C10orf67: variants seen among roughly 807,000 people sequenced by gnomAD.
The protein encoded by C10orf67 is chromosome 10 open reading frame 67.
In C10orf67, 60 loss-of-function variants were observed where a neutral mutation model predicts 35.6. That is an observed-to-expected ratio of 1.68 (90% CI 1.37 to 2.09). The LOEUF (loss-of-function observed/expected upper bound fraction) is 2.09, where lower values mean the gene tolerates loss of function less well. Among genes scored for constraint, C10orf67 ranks in the 30% most tolerant of loss-of-function variants. The pLI, the probability that C10orf67 is intolerant of heterozygous loss-of-function variation, is 0.00. For synonymous variants in C10orf67, 167 were observed against 115.8 expected (o/e 1.44, Z -2.84); for missense variants, 474 against 330.2 (o/e 1.44, Z -3.38).
intron 7 of C10orf67, among the ~76,000 whole-genome samples, chr10:23,287,380 A>G (rs769181710): frequency 1.3e-5 from 2 of 152,220 alleles, no homozygotes; most frequent in African/African-American, 2.4e-5. Context: ...TGGGGAAAGG[A>G]TCTCCTATCC....
chr10:23,230,744 A>AAC (rs111724532), intron 13 of C10orf67, among the ~76,000 whole-genome samples: 59,928 of 151,814 alleles, frequency 0.39, 15,026 homozygotes, highest in East Asian at 0.74. Flanking sequence ...AAAAATTATA[A>AAC]ACACACACAT....
intron 13 of C10orf67, among the ~76,000 whole-genome samples, chr10:23,230,563 G>A (rs1841881148): frequency 6.6e-6 from 1 of 151,870 alleles, no homozygotes; most frequent in African/African-American, 2.4e-5. Flanking sequence ...ACATATAACT[G>A]GTAAAGGATT....
chr10:23,270,269 C>T (rs551264484), intron 8 of C10orf67, among the ~76,000 whole-genome samples: 1 of 152,240 alleles, frequency 6.6e-6, no homozygotes, highest in South Asian at 2.1e-4. Flanking sequence ...CCAGAAGTGG[C>T]ACAGAGCCAA....
At chr10:23,215,794 A>G (rs1277600136) in intron 15 of C10orf67, among the ~76,000 whole-genome samples, 1 of 152,258 alleles carries the variant, frequency 6.6e-6, no homozygotes, top group Non-Finnish European at 1.5e-5. Context: ...GGTATAATTT[A>G]ACATGAGAAA....
intron 13 of C10orf67, among the ~76,000 whole-genome samples, chr10:23,225,364 AG>A (rs1262097302): frequency 2.6e-5 from 4 of 152,220 alleles, no homozygotes; most frequent in Admixed American, 2.0e-4. Flanking sequence ...GAGCTCCTGA[AG>A]GAAGTGCTAA....
At chr10:23,263,151 G>T (rs1233914702) in intron 10 of C10orf67, among the ~76,000 whole-genome samples, 1 of 152,188 alleles carries the variant, frequency 6.6e-6, no homozygotes, top group Non-Finnish European at 1.5e-5. Context: ...AAACTGCTCT[G>T]CAGCTCTCTT....
intron 1 of C10orf67, among the ~76,000 whole-genome samples, chr10:23,336,745 C>T (rs1845697790): frequency 6.6e-6 from 1 of 152,104 alleles, no homozygotes; most frequent in African/African-American, 2.4e-5. Flanking sequence ...AACTCCTGGC[C>T]TCAGTGATCC....
chr10:23,253,701 T>A (rs1842524153), intron 10 of C10orf67, among the ~76,000 whole-genome samples: 1 of 152,130 alleles, frequency 6.6e-6, no homozygotes, highest in South Asian at 2.1e-4. Flanking sequence ...ACAGTAAAAA[T>A]TAGTTTCAAT....
At chr10:23,225,204 G>T (rs1234549096) in intron 13 of C10orf67, among the ~76,000 whole-genome samples, 1 of 152,086 alleles carries the variant, frequency 6.6e-6, no homozygotes, top group African/African-American at 2.4e-5. Context: ...AAGAGAGTAG[G>T]GGCCAATATT....
intron 13 of C10orf67, among the ~76,000 whole-genome samples, chr10:23,236,055 T>C (rs1184183275): frequency 2.0e-5 from 3 of 151,956 alleles, no homozygotes; most frequent in Non-Finnish European, 4.4e-5. Flanking sequence ...GAGACCATCC[T>C]GGCTAACACA....
intron 5 of C10orf67, among the ~76,000 whole-genome samples, chr10:23,291,534 T>G (rs1843719200): frequency 6.6e-6 from 1 of 152,204 alleles, no homozygotes; most frequent in African/African-American, 2.4e-5. Flanking sequence ...TTGTGTGCCC[T>G]CATCATTCAG....
chr10:23,232,817 T>C (rs895844126), intron 13 of C10orf67, among the ~76,000 whole-genome samples: 1 of 152,122 alleles, frequency 6.6e-6, no homozygotes, highest in African/African-American at 2.4e-5. Flanking sequence ...ATAGTGTTTC[T>C]GAAAAAGAAA....
At chr10:23,269,418 A>C (rs1399927484) in intron 8 of C10orf67, among the ~76,000 whole-genome samples, 1 of 152,218 alleles carries the variant, frequency 6.6e-6, no homozygotes, top group Non-Finnish European at 1.5e-5. Context: ...GTAATAGATA[A>C]TTTGCAATGG....
chr10:23,316,984 C>G (rs1844741149), intron 4 of C10orf67: 1 of 152,348 alleles, frequency 6.6e-6, no homozygotes, highest in African/African-American at 2.4e-5. Context: ...TTCAGGCCAC[C>G]CCTGGGTTGA....
At chr10:23,299,895 G>A (rs191993047) in intron 5 of C10orf67, among the ~76,000 whole-genome samples, 2,281 of 151,850 alleles carry the variant, frequency 0.015, 51 homozygotes, top group African/African-American at 0.052. Context: ...GGAGAATGGC[G>A]CGAACCCAGG....
chr10:23,344,481 G>T, intron 1 of C10orf67, 88 bp downstream of exon 1: 1 of 1,246,190 alleles, frequency 8.0e-7, no homozygotes, highest in Non-Finnish European at 1.1e-6. Flanking sequence ...GAGGAAAGCT[G>T]CACCCCCGTA....
At chr10:23,275,584 C>T (rs575541352) in intron 8 of C10orf67, among the ~76,000 whole-genome samples, 1 of 145,606 alleles carries the variant, frequency 6.9e-6, no homozygotes, top group Non-Finnish European at 1.5e-5. Flanking sequence ...CCCCTACACA[C>T]ACATACACAC....
chr10:23,246,401 A>G (rs1038243201), intron 12 of C10orf67, among the ~76,000 whole-genome samples: 2 of 152,234 alleles, frequency 1.3e-5, no homozygotes, highest in African/African-American at 4.8e-5. Context: ...TAAAATTTTT[A>G]AAAAGTCAAT....
intron 15 of C10orf67, among the ~76,000 whole-genome samples, chr10:23,221,367 G>A (rs1841575622): frequency 6.6e-6 from 1 of 152,108 alleles, no homozygotes; most frequent in Admixed American, 6.6e-5. Flanking sequence ...TTCTCCAAAT[G>A]GACGTGAGAT....
Sources: allele counts gnomAD v4.1 joint callset (sites outside exome capture counted in the v4.1 genomes callset), GRCh38; gene constraint gnomAD v4.1.1; transcripts MANE v1.5; gene names NCBI Gene and HGNC (gene_info 2026-07-23, HGNC 2026-07-21).